The following AHDC1 variants were observed in gnomAD, a reference collection of about 807,000 sequenced individuals.
AHDC1 encodes transcription factor Gibbin.
A neutral mutation model predicts 87.9 loss-of-function variants in AHDC1; 7 were observed. The ratio of observed to expected loss-of-function variants is 0.08; its 90% CI spans 0.05 to 0.15. The LOEUF (loss-of-function observed/expected upper bound fraction) is 0.15. Ranked by LOEUF, AHDC1 falls within the 10% of genes least tolerant of loss-of-function variation. The probability of loss-of-function intolerance (pLI) is 1.00; values close to 1 mark genes in which losing one functional copy is unlikely to be tolerated. For synonymous variants in AHDC1, 1,051 were observed against 1,006.8 expected (o/e 1.04, Z -0.83); for missense variants, 1,841 against 2,253.2 (o/e 0.82, Z 3.70).
In AHDC1 at chr1:27,541,931, G is replaced by A. The variant is rs1050511607; in HGVS notation, c.*43+5330C>T. Among the ~76,000 whole-genome samples the A allele has an allele frequency of 2.0e-5, 3 of 152,336 alleles. No homozygotes were observed. The South Asian group carries it at 6.2e-4, about 32-fold the overall frequency. ...AGGCGTGAGCCACCGCGCCTGGCAAGGAGGTTTTAAACAAACACCTGTAAA... is the reference window on the plus strand; with the variant it reads ...AGGCGTGAGCCACCGCGCCTGGCAAAGAGGTTTTAAACAAACACCTGTAAA... On this transcript the variant is annotated intron_variant, in intron 8 of 8. Coordinates refer to ENST00000673934, the MANE Select transcript of AHDC1 (RefSeq NM_001371928.1).
In AHDC1 at chr1:27,595,875, GTCGGGGGGTA is replaced by G. The variant is rs2089356727; in HGVS notation, c.-629+7512_-629+7521del. 1.3e-5 allele frequency among the ~76,000 whole-genome samples: 2 copies of G among 151,860 alleles called. No homozygotes were observed. Among genetic ancestry groups the G allele is most frequent in the African/African-American group, 2.4e-5 (1 of 41,264 alleles). Reference sequence around the variant, plus strand: ...GTATGTGCATGTGAGGTAGCTGGATGTCGGGGGGTATCTGTATGTAGAGTGTGTGTGTGGA... The same window carrying G: ...GTATGTGCATGTGAGGTAGCTGGATGTCTGTATGTAGAGTGTGTGTGTGGA... On this transcript the variant is annotated intron_variant, in intron 3 of 8. Coordinates refer to ENST00000673934, the MANE Select transcript of AHDC1 (RefSeq NM_001371928.1). The surrounding 1 kb of genome is among the most constrained non-coding windows in gnomAD (Gnocchi z 4.0).
chr1:27,561,550 C>T lies in AHDC1; in HGVS notation c.-628-2667G>A, dbSNP rs2020084521. Among the ~76,000 whole-genome samples, 1 of 152,070 alleles carries T rather than the reference C, an allele frequency of 6.6e-6. No homozygotes were observed. The highest frequency in any genetic ancestry group is 2.4e-5 in the African/African-American group (1 of 41,390). ...AGGGGCTGGGCTGGGACTAAGGCTC[C>T]CTTCACGGTGCTCCAGGCGCAAGGC... On this transcript the variant is annotated intron_variant, in intron 3 of 8. Coordinates refer to ENST00000673934, the MANE Select transcript of AHDC1 (RefSeq NM_001371928.1). The surrounding 1 kb of genome is among the most constrained non-coding windows in gnomAD (Gnocchi z 4.2).
In AHDC1 at chr1:27,550,534, G is replaced by A; in HGVS notation, c.1582C>T (p.Arg528Trp). The A allele has an allele frequency of 6.2e-7, 1 of 1,612,320 alleles. No homozygotes were observed. Among genetic ancestry groups the A allele is most frequent in the Non-Finnish European group, 8.5e-7 (1 of 1,178,774 alleles). Residue 528 changes from arginine (R) to tryptophan (W), a missense_variant, in exon 8 of 9, where the codon CGG becomes TGG. Physicochemically the swap from Arg to Trp is moderately radical, Grantham distance 101. Around this residue, in one of 13 missense-constraint regions of AHDC1, gnomAD observed 12 missense variants for 51.7 expected, o/e 0.23. Transcript: ENST00000673934. ...TPLLKMKNNG[R>W]NVVVVFPPGE... is the part of the protein sequence containing the mutation. ...GGTGGGAAGACCACTACCACGTTCC[G>A]CCCATTGTTCTTCATCTTCAGCAGC...
At position 27,547,688 on chromosome 1, in the gene AHDC1, G is replaced by A; in HGVS notation, c.4428C>T (p.Ser1476=). The change falls in exon 8 of 9, where the codon AGC becomes AGT. Residue 1476 remains serine (S), a synonymous_variant. Transcript: ENST00000673934. The surrounding 1 kb of genome is among the most constrained non-coding windows in gnomAD (Gnocchi z 4.9). The part of the protein sequence containing the change: ...YWYPPGSAAR[S]PPYEGKVGTG... ...TACCCACCTTGCCTTCATAGGGCGG[G>A]CTGCGGGCAGCTGAGCCTGGAGGGT... 1 of 1,594,490 alleles carries A rather than the reference G, an allele frequency of 6.3e-7. No individual in the cohort carries two copies. Among genetic ancestry groups the A allele is most frequent in the Non-Finnish European group, 8.6e-7 (1 of 1,168,776 alleles).
Position 27,550,933 on chromosome 1 carries a change from G to A in AHDC1, c.1183C>T (p.Arg395Cys), listed in dbSNP as rs753110793. The change falls in exon 8 of 9, where the codon CGC becomes TGC. Residue 395 changes from arginine (R) to cysteine (C), a missense_variant. Arg to Cys is a radical substitution (Grantham distance 180). Transcript: ENST00000673934. ...RRTDRPKILC[R>C]RRKAGRGRKA... is the part of the protein sequence containing the mutation. The stretch of plus-strand genomic sequence containing the variant: ...CGTCCCCGTCCGGCTTTCCGCCGGC[G>A]ACACAGGATCTTTGGCCTATCAGTG... 15 of 1,598,848 alleles carry A rather than the reference G, an allele frequency of 9.4e-6. No homozygotes were observed. Among genetic ancestry groups the A allele is most frequent in the Admixed American group, 5.0e-5 (3 of 59,568 alleles).
rs1454464113 is a variant in AHDC1, at chr1:27,595,295, C to T, written c.-629+8102G>A. Among the ~76,000 whole-genome samples the T allele has an allele frequency of 6.6e-6, 1 of 151,256 alleles. No homozygotes were observed. Among genetic ancestry groups the T allele is most frequent in the Non-Finnish European group, 1.5e-5 (1 of 67,852 alleles). ...AGTGCTGAGCTATAGCTGGGAGAAA[C>T]GTTGGGGGCTGTGGGCAGAGTGTGT... On this transcript the variant is annotated intron_variant, in intron 3 of 8. Coordinates refer to ENST00000673934, the MANE Select transcript of AHDC1 (RefSeq NM_001371928.1). The surrounding 1 kb of genome is among the most constrained non-coding windows in gnomAD (Gnocchi z 4.0).
intron 7 of AHDC1, chr1:27,552,399 ACT>A (rs1491467207): frequency 5.6e-6 from 2 of 359,324 alleles, no homozygotes; most frequent in Non-Finnish European, 9.3e-6. Flanking sequence ...GCCCAGTTTC[ACT>A]TTTTTTTTTT....
rs577530128 is a variant in AHDC1, at chr1:27,571,720, C to T, written c.-628-12837G>A. Among the ~76,000 whole-genome samples the T allele has an allele frequency of 2.4e-4, 37 of 152,232 alleles. No homozygotes were observed. In the South Asian group the frequency reaches 7.0e-3, roughly 29 times the overall value. ...CCAAGCCCTGGGGCTGGCCCCCAGC[C>T]CCCTCCCCTCCCCCTCCCAGGCTGG... On this transcript the variant is annotated intron_variant, in intron 3 of 8. Transcript: ENST00000673934.
intron 3 of AHDC1, among the ~76,000 whole-genome samples, chr1:27,589,834 C>T (rs1225147383): frequency 1.3e-5 from 2 of 152,182 alleles, no homozygotes; most frequent in Non-Finnish European, 2.9e-5. Flanking sequence ...AGAGAACCAA[C>T]CCTTCACCCT....
intron 3 of AHDC1, among the ~76,000 whole-genome samples, chr1:27,575,133 C>G (rs1376575175): frequency 6.6e-6 from 1 of 152,206 alleles, no homozygotes; most frequent in Non-Finnish European, 1.5e-5. Flanking sequence ...TCCGCAGGCC[C>G]AGCACTTCTC....
At chr1:27,535,438 A>C (rs1241611889) in intron 8 of AHDC1, among the ~76,000 whole-genome samples, 2 of 152,180 alleles carry the variant, frequency 1.3e-5, no homozygotes, top group Non-Finnish European at 2.9e-5. Context: ...TTTCTGGGGC[A>C]GTTAGGCTCT....
Position 27,547,494 on chromosome 1 carries a change from G to A in AHDC1, c.4622C>T (p.Pro1541Leu). ...GGACAGGGTCAAGTCACTAAGGAGT[G>A]GGCAGCCATAGCCAGCAGCGGCTGC... ...PAAAAAGYGC[P>L]LLSDLTLSPV... The change falls in exon 8 of 9, where the codon CCA becomes CTA. Residue 1541 changes from proline to leucine, a missense_variant. Pro to Leu is a moderately conservative substitution (Grantham distance 98, BLOSUM62 -3). Transcript: ENST00000673934. This position sits in a 1 kb window ranked among gnomAD's most constrained non-coding sequence, Gnocchi z 4.9. The A allele has an allele frequency of 6.2e-7, 1 of 1,606,198 alleles. No homozygotes were observed. The highest frequency in any genetic ancestry group is 8.5e-7 in the Non-Finnish European group (1 of 1,174,854).
chr1:27,571,613 G>A (rs559351587), intron 3 of AHDC1, among the ~76,000 whole-genome samples: 3 of 152,130 alleles, frequency 2.0e-5, no homozygotes, highest in Admixed American at 6.5e-5. Flanking sequence ...GCCAAGGAGG[G>A]GGGGGTGGCT....
chr1:27,557,132 C>A (rs1423572542), intron 5 of AHDC1, among the ~76,000 whole-genome samples: 1 of 151,418 alleles, frequency 6.6e-6, no homozygotes, highest in East Asian at 2.0e-4. Flanking sequence ...CGCCCCCTGC[C>A]AGCCCCCTGC....
chr1:27,543,293 C>T (rs1198051678), intron 8 of AHDC1, among the ~76,000 whole-genome samples: 1 of 152,220 alleles, frequency 6.6e-6, no homozygotes, highest in African/African-American at 2.4e-5. Flanking sequence ...CGATCTTTAG[C>T]CCACAGGGCC....
chr1:27,568,517 C>T (rs963969100), intron 3 of AHDC1, among the ~76,000 whole-genome samples: 5 of 152,136 alleles, frequency 3.3e-5, no homozygotes, highest in Non-Finnish European at 7.4e-5. Context: ...TTAGGCCGGC[C>T]CTGCCTTTTC....
intron 3 of AHDC1, among the ~76,000 whole-genome samples, chr1:27,596,978 C>T (rs1485965463): frequency 6.6e-6 from 1 of 152,240 alleles, no homozygotes; most frequent in Non-Finnish European, 1.5e-5. Flanking sequence ...CACATGCAAG[C>T]ACATGTTTAT....
rs111836852 is a variant in AHDC1, at chr1:27,543,050, C to A, written c.*43+4211G>T. On this transcript the variant is annotated intron_variant, in intron 8 of 8. Transcript: ENST00000673934. Reference sequence around the variant, plus strand: ...GAAGAGACAAAGCCCAGAGCAGCTGCGGCCTGGTCCAGGCCCGGGCATGCC... The same window carrying A: ...GAAGAGACAAAGCCCAGAGCAGCTGAGGCCTGGTCCAGGCCCGGGCATGCC... 4.4e-3 allele frequency among the ~76,000 whole-genome samples: 676 copies of A among 152,350 alleles called. 6 individuals carry two copies. Among genetic ancestry groups the A allele is most frequent in the African/African-American group, 0.016 (647 of 41,584 alleles).
At chr1:27,544,676 G>A (rs908625895) in intron 8 of AHDC1, among the ~76,000 whole-genome samples, 1 of 152,088 alleles carries the variant, frequency 6.6e-6, no homozygotes, top group Non-Finnish European at 1.5e-5. Flanking sequence ...TCTCATTCCC[G>A]TGGTGATTTT....
Sources: allele counts gnomAD v4.1 joint callset (sites outside exome capture counted in the v4.1 genomes callset), GRCh38; gene constraint gnomAD v4.1.1; regional missense constraint gnomAD v4.1.1; non-coding constraint Gnocchi (gnomAD v3.1); transcripts MANE v1.5; gene names NCBI Gene and HGNC (gene_info 2026-07-23, HGNC 2026-07-21).